Variants in SMG1 observed in about 807,000 individuals in gnomAD.
SMG1 encodes serine/threonine-protein kinase SMG1.
Under a neutral mutation model 419.9 loss-of-function variants are expected in SMG1, and 22 were observed. The ratio of observed to expected loss-of-function variants is 0.05; its 90% CI spans 0.04 to 0.07. SMG1 has a LOEUF of 0.07. Ranked by LOEUF, SMG1 falls within the 10% of genes least tolerant of loss-of-function variation. SMG1 has a pLI of 1.00. For missense variants in SMG1, 3,185 were observed against 4,342.0 expected, an observed-to-expected ratio of 0.73 and a Z score of 7.49; for synonymous variants, 1,538 against 1,553.5, an observed-to-expected ratio of 0.99 and a Z score of 0.23.
Position 18,811,741 on chromosome 16 carries a change from C to A in SMG1, c.10908+20G>T, listed in dbSNP as rs1389450112. 1 of 1,606,236 alleles carries A rather than the reference C, an allele frequency of 6.2e-7. No individual in the cohort carries two copies. The highest frequency in any genetic ancestry group is 1.7e-5 in the Admixed American group (1 of 59,968). On this transcript the variant is annotated intron_variant, in intron 62 of 62. Coordinates refer to ENST00000446231, the MANE Select transcript of SMG1 (RefSeq NM_015092.5). ...TCCAGCAGCATTAAAATGTGTAGCC[C>A]AAGTTTAAAACACGGTCACCTGTTC... is the stretch of plus-strand genomic sequence containing the variant.
In SMG1 at chr16:18,836,135, G is replaced by A. The variant is rs1418514207; in HGVS notation, c.7855C>T (p.Leu2619=). The change falls in exon 48 of 63, where the codon CTG becomes TTG. Residue 2619 remains leucine, a synonymous_variant. Coordinates refer to ENST00000446231, the MANE Select transcript of SMG1 (RefSeq NM_015092.5). ...AGGAGAGCACCAACCTCCCCCTCCA[G>A]CTGCTCGCACTGGCTAATCAAGTGG... ...QAHLISQCEQ[L]EGEVGALLQQ... is the part of the protein sequence containing the mutation. 11 of 1,610,134 alleles carry A rather than the reference G, an allele frequency of 6.8e-6. No individual in the cohort carries two copies. Among genetic ancestry groups the A allele is most frequent in the Non-Finnish European group, 9.3e-6 (11 of 1,178,220 alleles).
chr16:18,830,295 G>C lies in SMG1; in HGVS notation c.8867C>G (p.Ala2956Gly). ...GSVDETPKMSAGQMLLVAFDG... is the reference protein window; with the variant it reads ...GSVDETPKMSGGQMLLVAFDG... ...GAATGCTACCAAAAGCATCTGGCCA[G>C]CTGACATTTTGGGTGTTTCATCAAC... Residue 2956 changes from alanine to glycine, a missense_variant, in exon 52 of 63, where the codon GCT (alanine) becomes GGT (glycine). Physicochemically the swap from Ala to Gly is moderately conservative, Grantham distance 60. This residue lies in a region of SMG1 where 737 missense variants were observed against 846.6 expected (regional missense o/e 0.87). Transcript: ENST00000446231. 1 of 1,613,904 alleles carries C rather than the reference G, an allele frequency of 6.2e-7. No individual in the cohort carries two copies. Among genetic ancestry groups the C allele is most frequent in the East Asian group, 2.2e-5 (1 of 44,884 alleles).
chr16:18,815,922 C>T, intron 58 of SMG1: 2 of 481,386 alleles, frequency 4.2e-6, no homozygotes, highest in Admixed American at 3.8e-5. Flanking sequence ...AGACTATGTA[C>T]AACACTGGAG....
At chr16:18,888,872 G>A (rs11861570) in intron 6 of SMG1, among the ~76,000 whole-genome samples, 13,268 of 144,792 alleles carry the variant, frequency 0.092, 751 homozygotes, top group African/African-American at 0.17. Flanking sequence ...GCCCAGGCTG[G>A]AGTGCAGTGG....
intron 10 of SMG1, among the ~76,000 whole-genome samples, chr16:18,881,605 TTTC>T (rs2036400547): frequency 6.6e-6 from 1 of 152,200 alleles, no homozygotes; most frequent in South Asian, 2.1e-4. Context: ...CTGGGGTTCA[TTTC>T]TTGTGTCTTT....
rs1160734770 is a variant in SMG1 at position 18,827,024 on chromosome 16, AG to A, written c.9741+1006del. On this transcript the variant is annotated intron_variant, in intron 55 of 62. Coordinates refer to ENST00000446231, the MANE Select transcript of SMG1 (RefSeq NM_015092.5). The stretch of plus-strand genomic sequence containing the variant: ...TCGGGTGGGAGTGACCCGATTTTCC[AG>A]GTACGTCCGTCACCCCTTTCTTTGA... 1.3e-4 allele frequency among the ~76,000 whole-genome samples: 5 copies of A among 39,674 alleles called. 2 individuals carry two copies. Among genetic ancestry groups the A allele is most frequent in the Non-Finnish European group, 2.2e-4 (3 of 13,904 alleles). 26.0% of individuals were successfully genotyped at this position (39,674 alleles called of 152,430 possible). A position where few individuals can be genotyped will look rare whatever the true frequency, so the allele number is the denominator to read the frequency against.
rs56276814 is a variant in SMG1 at position 18,838,601 on chromosome 16, A to G, written c.7034T>C (p.Met2345Thr). ...TATGTGAACAACTTCTCCAGTCGTC[A>G]TATCTATAAGAACATTATCCAGATG... is the stretch of plus-strand genomic sequence containing the variant. Reference protein sequence around the residue: ...DRHLDNVLIDMTTGEVVHIDY... With the variant: ...DRHLDNVLIDTTTGEVVHIDY... The change falls in exon 43 of 63, where the codon ATG (methionine) becomes ACG (threonine). Residue 2345 changes from methionine (M) to threonine (T), a missense_variant. By Grantham distance (81) the Met-to-Thr change is moderately conservative (BLOSUM62 -1). Coordinates refer to ENST00000446231, the MANE Select transcript of SMG1 (RefSeq NM_015092.5). 17 of 1,613,628 alleles carry G rather than the reference A, an allele frequency of 1.1e-5. No homozygotes were observed. Among genetic ancestry groups the G allele is most frequent in the Middle Eastern group, 1.6e-4 (1 of 6,084 alleles).
chr16:18,906,155 C>T (rs2037552576), intron 1 of SMG1, among the ~76,000 whole-genome samples: 2 of 151,158 alleles, frequency 1.3e-5, no homozygotes, highest in African/African-American at 4.8e-5. Flanking sequence ...CTATCACCTC[C>T]CCTCCCCATA....
rs183319335 is a variant in SMG1, at chr16:18,838,170, G to A, written c.7257C>T (p.Tyr2419=). The A allele has an allele frequency of 8.1e-5, 130 of 1,613,228 alleles. No individual in the cohort carries two copies. Among genetic ancestry groups the A allele is most frequent in the Admixed American group, 7.5e-4 (45 of 59,882 alleles). ...TLLTLLEAFV[Y]DPLVDWTAGG... ...CTGCTGTCCAGTCCACCAGAGGGTC[G>A]TACACAAAGGCCTCCAGCAGCGTCA... Residue 2419 remains tyrosine (Y), a synonymous_variant, in exon 45 of 63, where the codon TAC becomes TAT. Coordinates refer to ENST00000446231, the MANE Select transcript of SMG1 (RefSeq NM_015092.5).
rs557365697 is a variant in SMG1, at chr16:18,854,528, G to A, written c.4483+128C>T. 6.9e-6 allele frequency: 6 copies of A among 875,534 alleles called. No individual in the cohort carries two copies. In the East Asian group the frequency reaches 1.4e-4, roughly 20 times the overall value. 54.2% of individuals were successfully genotyped at this position (875,534 alleles called of 1,614,324 possible). A position where few individuals can be genotyped will look rare whatever the true frequency, so the allele number is the denominator to read the frequency against. ...TAATAAGCAACTTATTATTCAGGAT[G>A]CAAATGTTCTGCAACAGCTGGAAAT... On this transcript the variant is annotated intron_variant, in intron 30 of 62. Coordinates refer to ENST00000446231, the MANE Select transcript of SMG1 (RefSeq NM_015092.5).
At position 18,817,302 on chromosome 16, in the gene SMG1, A is replaced by G; in HGVS notation, c.10063T>C (p.Leu3355=). 6.2e-7 allele frequency: 1 copy of G among 1,610,774 alleles called. No homozygotes were observed. Among genetic ancestry groups the G allele is most frequent in the Non-Finnish European group, 8.5e-7 (1 of 1,178,798 alleles). ...CCACCAAGACTCACCACTCTCTGTAATAAACGAAGCTCTAACTCAGACACT... is the reference window on the plus strand; with the variant it reads ...CCACCAAGACTCACCACTCTCTGTAGTAAACGAAGCTCTAACTCAGACACT... ...SSVSELELRL[L]QRVDTGLEHP... The change falls in exon 57 of 63, where the codon TTA becomes CTA. Residue 3355 remains leucine (L), a synonymous_variant. Coordinates refer to ENST00000446231, the MANE Select transcript of SMG1 (RefSeq NM_015092.5).
At position 18,837,441 on chromosome 16, in the gene SMG1, C is replaced by G. The variant is rs762263841; in HGVS notation, c.7416G>C (p.Val2472=). The G allele has an allele frequency of 1.1e-4, 171 of 1,610,984 alleles. No individual in the cohort carries two copies. The highest frequency in any genetic ancestry group is 5.0e-4 in the Middle Eastern group (3 of 6,058). ...TCTCATCTCTATTCTTAAACCAGTT[C>G]ACCTGTAAAAAGATATTACGATTAA... is the stretch of plus-strand genomic sequence containing the variant. The part of the protein sequence containing the change: ...LFSSRVAEIK[V]NWFKNRDEML... The change falls in exon 46 of 63, where the codon GTG becomes GTC. Residue 2472 remains valine (V), a splice_region_variant and synonymous_variant. Transcript: ENST00000446231.
rs5816012 is a variant in SMG1, at chr16:18,828,998, C to CA, written c.9603+287dup. On this transcript the variant is annotated intron_variant, in intron 54 of 62. Coordinates refer to ENST00000446231, the MANE Select transcript of SMG1 (RefSeq NM_015092.5). ...GGGCAAGAAGAGCAAAACTCCATCT[C>CA]AAAAAAAAAAAAAAGCAATATTTAA... is the stretch of plus-strand genomic sequence containing the variant. Among the ~76,000 whole-genome samples the CA allele has an allele frequency of 7.3e-3, 899 of 122,360 alleles. 9 individuals carry two copies. Among genetic ancestry groups the CA allele is most frequent in the African/African-American group, 0.019 (588 of 30,728 alleles). The allele number at this position is 122,360 out of a possible 152,430, so 80.3% of individuals were successfully genotyped here.
chr16:18,886,096 T>C (rs1277320378), intron 6 of SMG1, among the ~76,000 whole-genome samples: 3 of 152,118 alleles, frequency 2.0e-5, no homozygotes, highest in Non-Finnish European at 4.4e-5. Flanking sequence ...CTTAATAACA[T>C]CTGTTTACAA....
intron 54 of SMG1, among the ~76,000 whole-genome samples, chr16:18,828,679 C>G (rs957791407): frequency 6.6e-6 from 1 of 152,150 alleles, no homozygotes; most frequent in Admixed American, 6.5e-5. Flanking sequence ...GGAAGCATAC[C>G]TACATATGAA....
rs1199801087 is a variant in SMG1, at chr16:18,880,733, C to G, written c.1294-1014G>C. ...CTCCAAAAAAAAAAGGGGGGGGGCGCGGAGGGGGAAGCATTCTTGGCCATG... is the reference window on the plus strand; with the variant it reads ...CTCCAAAAAAAAAAGGGGGGGGGCGGGGAGGGGGAAGCATTCTTGGCCATG... On this transcript the variant is annotated intron_variant, in intron 10 of 62. Transcript: ENST00000446231. Among the ~76,000 whole-genome samples, 76 of 79,428 alleles carry G rather than the reference C, an allele frequency of 9.6e-4. 1 individual carries two copies. Among genetic ancestry groups the G allele is most frequent in the African/African-American group, 2.1e-3 (33 of 15,852 alleles). 52.1% of individuals were successfully genotyped at this position (79,428 alleles called of 152,430 possible).
chr16:18,907,174 C>A (rs1237723262), intron 1 of SMG1, among the ~76,000 whole-genome samples: 4 of 151,796 alleles, frequency 2.6e-5, no homozygotes, highest in African/African-American at 9.7e-5. Flanking sequence ...CCCAGCTACT[C>A]AGGAGGCTGA....
intron 31 of SMG1, 94 bp downstream of exon 31, chr16:18,853,489 G>T: frequency 9.1e-7 from 1 of 1,103,184 alleles, no homozygotes; most frequent in Non-Finnish European, 1.2e-6. Context: ...TACTTTTTAT[G>T]GAAAATTATA....
At chr16:18,890,336 T>TA (rs1442672245) in intron 5 of SMG1, among the ~76,000 whole-genome samples, 9 of 151,934 alleles carry the variant, frequency 5.9e-5, no homozygotes, top group Non-Finnish European at 2.9e-5. Context: ...ACTAGCAAAT[T>TA]AAAAAAAATA....
Sources: gnomAD v4.1 joint callset for allele counts (sites outside exome capture counted in the v4.1 genomes callset) on GRCh38, gnomAD v4.1.1 for gene constraint, gnomAD v4.1.1 regional missense constraint, MANE v1.5 for transcripts, NCBI Gene and HGNC (gene_info 2026-07-23, HGNC 2026-07-21) for gene names.